CRK: variants seen among roughly 807,000 people sequenced by gnomAD.
CRK encodes the protein CRK proto-oncogene, adaptor protein.
Under a neutral mutation model 29.8 loss-of-function variants are expected in CRK, and 4 were observed. That is an observed-to-expected ratio of 0.13 (90% CI 0.07 to 0.31). The LOEUF is 0.31. Among genes scored for constraint, CRK ranks in the 10% least tolerant of loss-of-function variants. CRK has a pLI of 1.00. For missense variants in CRK, 274 were observed against 396.5 expected, an observed-to-expected ratio of 0.69 and a Z score of 2.62; for synonymous variants, 153 against 164.9, an observed-to-expected ratio of 0.93 and a Z score of 0.55.
intron 1 of CRK, among the ~76,000 whole-genome samples, chr17:1,454,702 A>C (rs182560877): frequency 7.4e-4 from 112 of 152,278 alleles, no homozygotes; most frequent in African/African-American, 2.5e-3. Flanking sequence ...GGCCAAGAAG[A>C]AACTGCTTCG....
At chr17:1,439,397 G>A (rs967362734) in intron 1 of CRK, among the ~76,000 whole-genome samples, 3 of 151,940 alleles carry the variant, frequency 2.0e-5, no homozygotes, top group Admixed American at 6.6e-5. Context: ...CACTGCACCC[G>A]GCCACAAAGT....
intron 1 of CRK, among the ~76,000 whole-genome samples, chr17:1,454,511 G>A (rs551230728): frequency 2.6e-5 from 4 of 152,320 alleles, no homozygotes; most frequent in South Asian, 2.1e-4. Context: ...GCAAGACTCC[G>A]TCTTAGAAAA....
intron 1 of CRK, among the ~76,000 whole-genome samples, chr17:1,440,934 A>G (rs544061636): frequency 4.1e-4 from 63 of 152,236 alleles, no homozygotes; most frequent in African/African-American, 1.5e-3. Context: ...GAGTTTTGTG[A>G]GTTTTTGGCT....
chr17:1,454,740 A>G (rs1028111975), intron 1 of CRK, among the ~76,000 whole-genome samples: 1 of 152,042 alleles, frequency 6.6e-6, no homozygotes, highest in East Asian at 1.9e-4. Context: ...AGGCACGAGG[A>G]CTCCTGATGC....
chr17:1,451,878 G>A (rs903263186), intron 1 of CRK, among the ~76,000 whole-genome samples: 17 of 152,158 alleles, frequency 1.1e-4, no homozygotes, highest in African/African-American at 3.1e-4. Flanking sequence ...CCAGCTACTC[G>A]GGAGGCTGAG....
chr17:1,441,476 G>A (rs1345909028), intron 1 of CRK, among the ~76,000 whole-genome samples: 4 of 151,896 alleles, frequency 2.6e-5, no homozygotes, highest in Non-Finnish European at 4.4e-5. Context: ...CTAAAGGTGC[G>A]GGTGGCATTG....
At chr17:1,439,520 C>A (rs2073918168) in intron 1 of CRK, among the ~76,000 whole-genome samples, 1 of 152,138 alleles carries the variant, frequency 6.6e-6, no homozygotes, top group African/African-American at 2.4e-5. Flanking sequence ...ATAAACAACT[C>A]TCTAATAATA....
At position 1,421,560 on chromosome 17, in the gene CRK, G is replaced by A. The variant is rs149292052; in HGVS notation, c.*1953C>T. 1 of 152,312 alleles carries A rather than the reference G, an allele frequency of 6.6e-6. No individual in the cohort carries two copies. The highest frequency in any genetic ancestry group is 2.4e-5 in the African/African-American group (1 of 41,566). The allele number at this position is 152,312 out of a possible 1,614,324, so 9.4% of individuals were successfully genotyped here. ...AACGTCTTTATCAAGCATGACCTTA[G>A]TGTGAGGTAAAATACATTAAATTAG... On this transcript the variant is annotated 3_prime_UTR_variant, in exon 3 of 3. Coordinates refer to ENST00000300574, the MANE Select transcript of CRK (RefSeq NM_016823.4).
At chr17:1,445,507 G>A (rs964822508) in intron 1 of CRK, among the ~76,000 whole-genome samples, 1 of 152,206 alleles carries the variant, frequency 6.6e-6, no homozygotes, top group African/African-American at 2.4e-5. Flanking sequence ...GGACTGGAGA[G>A]GGGATTTTGG....
intron 2 of CRK, among the ~76,000 whole-genome samples, chr17:1,425,689 G>A (rs115894023): frequency 2.0e-5 from 3 of 152,312 alleles, no homozygotes; most frequent in Admixed American, 1.3e-4. Flanking sequence ...CAAAGCCAAC[G>A]TAAGTCCAGC....
intron 1 of CRK, among the ~76,000 whole-genome samples, chr17:1,444,627 G>C (rs567801594): frequency 6.9e-6 from 1 of 144,128 alleles, no homozygotes; most frequent in African/African-American, 2.6e-5. Context: ...TCGGGAGTTC[G>C]AGAGCAGCCT....
At chr17:1,435,888 G>C (rs2073882724) in intron 2 of CRK, among the ~76,000 whole-genome samples, 1 of 151,772 alleles carries the variant, frequency 6.6e-6, no homozygotes, top group African/African-American at 2.4e-5. Context: ...AGGGAGGAAG[G>C]AAGAAGAAAG....
intron 2 of CRK, among the ~76,000 whole-genome samples, chr17:1,428,219 A>C (rs1181849085): frequency 6.6e-6 from 1 of 150,794 alleles, no homozygotes; most frequent in African/African-American, 2.4e-5. Flanking sequence ...CCAGGATTCA[A>C]ATGATTCTCC....
chr17:1,446,015 G>T (rs1400516944), intron 1 of CRK, among the ~76,000 whole-genome samples: 1 of 152,096 alleles, frequency 6.6e-6, no homozygotes, highest in African/African-American at 2.4e-5. Context: ...TGCCTGCCTC[G>T]GCCTCCCAAA....
At chr17:1,433,120 AG>A (rs1158328752) in intron 2 of CRK, among the ~76,000 whole-genome samples, 4 of 152,234 alleles carry the variant, frequency 2.6e-5, no homozygotes, top group Non-Finnish European at 4.4e-5. Flanking sequence ...GAATTGGTAC[AG>A]GAACAAAAGA....
At chr17:1,454,821 G>A (rs990854652) in intron 1 of CRK, among the ~76,000 whole-genome samples, 2 of 152,138 alleles carry the variant, frequency 1.3e-5, no homozygotes, top group African/African-American at 2.4e-5. Flanking sequence ...AGTACTAAGG[G>A]CATCTATCTA....
chr17:1,423,692 G>T, intron 2 of CRK, 42 bp from the exon 3 acceptor site: 1 of 1,609,152 alleles, frequency 6.2e-7, no homozygotes, highest in Non-Finnish European at 8.5e-7. Flanking sequence ...TTCCAGGTAG[G>T]AATGCAAGCT....
intron 2 of CRK, among the ~76,000 whole-genome samples, chr17:1,425,191 G>A (rs1015444290): frequency 1.2e-4 from 18 of 151,562 alleles, no homozygotes; most frequent in Admixed American, 2.6e-4. Context: ...CCGGGTTCAC[G>A]CCATTCTCCT....
chr17:1,450,931 A>G (rs951156272), intron 1 of CRK, among the ~76,000 whole-genome samples: 2 of 151,638 alleles, frequency 1.3e-5, no homozygotes, highest in Non-Finnish European at 2.9e-5. Flanking sequence ...GGTGGCTCAC[A>G]CCTGTAATCC....
Sources: gnomAD v4.1 joint callset for allele counts (sites outside exome capture counted in the v4.1 genomes callset) on GRCh38, gnomAD v4.1.1 for gene constraint, MANE v1.5 for transcripts, NCBI Gene and HGNC (gene_info 2026-07-23, HGNC 2026-07-21) for gene names.